The following LPAR5 variants were observed in gnomAD, a reference collection of about 807,000 sequenced individuals.
LPAR5 encodes the protein lysophosphatidic acid receptor 5.
For synonymous variants in LPAR5, 271 were observed against 261.6 expected, an observed-to-expected ratio of 1.04 and a Z score of -0.35; for missense variants, 544 against 521.8, an observed-to-expected ratio of 1.04 and a Z score of -0.41.
intron 1 of LPAR5, among the ~76,000 whole-genome samples, chr12:6,633,826 A>T (rs1158652220): frequency 3.3e-5 from 5 of 152,132 alleles, no homozygotes; most frequent in Admixed American, 3.3e-4. Context: ...CATCAGACAG[A>T]TGGAGTTGGG....
intron 1 of LPAR5, among the ~76,000 whole-genome samples, chr12:6,633,867 G>A (rs1948995480): frequency 2.0e-5 from 3 of 152,118 alleles, no homozygotes; most frequent in Admixed American, 1.3e-4. Flanking sequence ...TGGGTGGTGA[G>A]TCCTGTACAT....
intron 1 of LPAR5, among the ~76,000 whole-genome samples, chr12:6,622,322 G>T (rs1306951488): frequency 1.3e-5 from 2 of 151,806 alleles, no homozygotes; most frequent in Non-Finnish European, 2.9e-5. Context: ...CAGCTACTCA[G>T]GGGGCTGAGA....
chr12:6,620,897 C>A lies in LPAR5; in HGVS notation c.352G>T (p.Asp118Tyr), dbSNP rs1220990189. The change falls in exon 2 of 2, where the codon GAC becomes TAC. Residue 118 changes from aspartate (D) to tyrosine (Y), a missense_variant. Transcript: ENST00000329858. The surrounding 1 kb of genome is among the most constrained non-coding windows in gnomAD (Gnocchi z 6.8). ...SCIFLMLINV[D>Y]RYAAIVHPLR... ...GGGTGCACGATGGCGGCGTAGCGGTCCACGTTGATGAGCATCAGGAAGATG... is the reference window on the plus strand; with the variant it reads ...GGGTGCACGATGGCGGCGTAGCGGTACACGTTGATGAGCATCAGGAAGATG... 1.3e-6 allele frequency: 2 copies of A among 1,587,626 alleles called. No homozygotes were observed. Among genetic ancestry groups the A allele is most frequent in the Middle Eastern group, 1.7e-4 (1 of 6,016 alleles).
chr12:6,628,957 G>C (rs1203910613), intron 1 of LPAR5, among the ~76,000 whole-genome samples: 1 of 151,458 alleles, frequency 6.6e-6, no homozygotes. Flanking sequence ...TAGTAGAGAA[G>C]ACTGGGTTTC....
intron 1 of LPAR5, among the ~76,000 whole-genome samples, chr12:6,622,129 A>G (rs1230073726): frequency 6.7e-6 from 1 of 148,978 alleles, no homozygotes; most frequent in East Asian, 2.0e-4. Flanking sequence ...ACTCTGTCTC[A>G]AAAAATAAAA....
intron 1 of LPAR5, among the ~76,000 whole-genome samples, chr12:6,628,542 C>G (rs1015564838): frequency 6.6e-6 from 1 of 151,040 alleles, no homozygotes; most frequent in South Asian, 2.1e-4. Context: ...CTCACTGCAA[C>G]CTCCGCCTCC....
rs1002603126 is a variant in LPAR5 at position 6,624,788 on chromosome 12, T to C, written c.-216-3324A>G. 7.2e-5 allele frequency among the ~76,000 whole-genome samples: 11 copies of C among 152,012 alleles called. 1 individual carries two copies. The highest frequency in any genetic ancestry group is 5.9e-4 in the Admixed American group (9 of 15,256). ...GGCATGCGCCACCACGCCTGGCTAATTTTGTATTTTTAGTAGAGACGAGGT... is the reference window on the plus strand; with the variant it reads ...GGCATGCGCCACCACGCCTGGCTAACTTTGTATTTTTAGTAGAGACGAGGT... On this transcript the variant is annotated intron_variant, in intron 1 of 1. Coordinates refer to ENST00000329858, the MANE Select transcript of LPAR5 (RefSeq NM_020400.6).
chr12:6,620,868 C>T lies in LPAR5; in HGVS notation c.381G>A (p.Leu127=), dbSNP rs1456932705. ...VDRYAAIVHP[L]RLRHLRRPRV... is the part of the protein sequence containing the mutation. ...GGGGCCGCCGCAGGTGGCGCAGTCG[C>T]AGCGGGTGCACGATGGCGGCGTAGC... Residue 127 remains leucine (L), a synonymous_variant, in exon 2 of 2, where the codon CTG becomes CTA. Transcript: ENST00000329858. This position sits in a 1 kb window ranked among gnomAD's most constrained non-coding sequence, Gnocchi z 6.8. 1 of 1,568,982 alleles carries T rather than the reference C, an allele frequency of 6.4e-7. No individual in the cohort carries two copies. Among genetic ancestry groups the T allele is most frequent in the Non-Finnish European group, 8.6e-7 (1 of 1,156,868 alleles).
In LPAR5 at chr12:6,621,136, GGGAGCCC is replaced by G. The variant is rs1948892851; in HGVS notation, c.106_112del (p.Gly36ProfsTer5). On this transcript the variant is annotated frameshift_variant, in exon 2 of 2. Transcript: ENST00000329858. LOFTEE classifies it low-confidence loss of function (END_TRUNC). ...GACCCAGAGGGCTAGCGCGTTGAGG[GGGAGCCC>G]GGCAGCCAGCACCAAGCTGTAGACC... 1 of 1,600,430 alleles carries G rather than the reference GGGAGCCC, an allele frequency of 6.2e-7. No homozygotes were observed. Among genetic ancestry groups the G allele is most frequent in the Non-Finnish European group, 8.5e-7 (1 of 1,173,118 alleles).
At chr12:6,624,001 A>G (rs1188474809) in intron 1 of LPAR5, among the ~76,000 whole-genome samples, 1 of 152,084 alleles carries the variant, frequency 6.6e-6, no homozygotes, top group Non-Finnish European at 1.5e-5. Context: ...ATACAGAACA[A>G]CATCCCAGCC....
chr12:6,625,555 A>G (rs1948931626), intron 1 of LPAR5, among the ~76,000 whole-genome samples: 1 of 148,636 alleles, frequency 6.7e-6, no homozygotes, highest in Non-Finnish European at 1.5e-5. Flanking sequence ...CCTCGTCTCT[A>G]CTGAAAATAC....
At chr12:6,632,636 G>A (rs1289691721) in intron 1 of LPAR5, among the ~76,000 whole-genome samples, 2 of 152,312 alleles carry the variant, frequency 1.3e-5, no homozygotes, top group African/African-American at 2.4e-5. Context: ...GCCTCCAGCA[G>A]AAGCTTAGCT....
Position 6,623,864 on chromosome 12 carries a change from A to G in LPAR5, c.-216-2400T>C, listed in dbSNP as rs549148317. The stretch of plus-strand genomic sequence containing the variant: ...ACTCTTTGAGTACATGGGAGGCTGC[A>G]GCAGGAGAGTCCTTGAACCCGGGAG... On this transcript the variant is annotated intron_variant, in intron 1 of 1. Coordinates refer to ENST00000329858, the MANE Select transcript of LPAR5 (RefSeq NM_020400.6). Among the ~76,000 whole-genome samples, 183 of 151,294 alleles carry G rather than the reference A, an allele frequency of 1.2e-3. 1 individual carries two copies. Among genetic ancestry groups the G allele is most frequent in the African/African-American group, 3.8e-3 (158 of 41,258 alleles).
At position 6,621,153 on chromosome 12, in the gene LPAR5, C is replaced by A. The variant is rs1451886511; in HGVS notation, c.96G>T (p.Val32=). The A allele has an allele frequency of 1.3e-6, 2 of 1,596,718 alleles. No individual in the cohort carries two copies. Among genetic ancestry groups the A allele is most frequent in the East Asian group, 2.2e-5 (1 of 44,548 alleles). ...HRLHLVVYSL[V]LAAGLPLNAL... ...CGTTGAGGGGGAGCCCGGCAGCCAG[C>A]ACCAAGCTGTAGACCACCAAGTGCA... Residue 32 remains valine, a synonymous_variant, in exon 2 of 2, where the codon GTG becomes GTT. Transcript: ENST00000329858.
intron 1 of LPAR5, among the ~76,000 whole-genome samples, chr12:6,633,440 G>A (rs1157020037): frequency 6.6e-6 from 1 of 150,626 alleles, no homozygotes; most frequent in Admixed American, 6.6e-5. Flanking sequence ...ATGGAGTCTC[G>A]CTTGCTGTGT....
intron 1 of LPAR5, among the ~76,000 whole-genome samples, chr12:6,631,155 G>A (rs1405246654): frequency 2.0e-5 from 3 of 152,168 alleles, no homozygotes; most frequent in Non-Finnish European, 2.9e-5. Context: ...GCTGAAGAAC[G>A]TCGGCACACA....
rs748672397 is a variant in LPAR5 at position 6,620,420 on chromosome 12, C to T, written c.829G>A (p.Gly277Arg). The change falls in exon 2 of 2, where the codon GGG becomes AGG. Residue 277 changes from glycine to arginine, a missense_variant. Physicochemically the swap from Gly to Arg is moderately radical, Grantham distance 125. Transcript: ENST00000329858. This position sits in a 1 kb window ranked among gnomAD's most constrained non-coding sequence, Gnocchi z 6.8. ...ASVPARDRVRGVLMVMVLLAG... is the reference protein window; with the variant it reads ...ASVPARDRVRRVLMVMVLLAG... Reference sequence around the variant, plus strand: ...AGCAGCACCATCACCATCAGCACCCCGCGCACGCGATCGCGGGCAGGCACG... The same window carrying T: ...AGCAGCACCATCACCATCAGCACCCTGCGCACGCGATCGCGGGCAGGCACG... 15 of 1,607,954 alleles carry T rather than the reference C, an allele frequency of 9.3e-6. No individual in the cohort carries two copies. In the Admixed American group the frequency reaches 1.2e-4, roughly 13 times the overall value.
Position 6,620,608 on chromosome 12 carries a change from A to C in LPAR5, c.641T>G (p.Val214Gly). Residue 214 changes from valine to glycine, a missense_variant, in exon 2 of 2, where the codon GTC (valine) becomes GGC (glycine). Physicochemically the swap from Val to Gly is moderately radical, Grantham distance 109 (BLOSUM62 -3). Transcript: ENST00000329858. The surrounding 1 kb of genome is among the most constrained non-coding windows in gnomAD (Gnocchi z 6.8). ...GTCGGGGCGCGCCAGCGTCCAGAAGACTCGGCCCGACGAGTAGACCACCGC... is the reference window on the plus strand; with the variant it reads ...GTCGGGGCGCGCCAGCGTCCAGAAGCCTCGGCCCGACGAGTAGACCACCGC... ...LAAVVYSSGRVFWTLARPDAT... is the reference protein window; with the variant it reads ...LAAVVYSSGRGFWTLARPDAT... 1 of 1,551,222 alleles carries C rather than the reference A, an allele frequency of 6.4e-7. No individual in the cohort carries two copies. Among genetic ancestry groups the C allele is most frequent in the Admixed American group, 2.0e-5 (1 of 51,120 alleles).
At position 6,620,350 on chromosome 12, in the gene LPAR5, C is replaced by A; in HGVS notation, c.899G>T (p.Ser300Ile). 6.2e-7 allele frequency: 1 copy of A among 1,611,316 alleles called. No homozygotes were observed. Among genetic ancestry groups the A allele is most frequent in the South Asian group, 1.1e-5 (1 of 90,950 alleles). ...CVLDPLVYYF[S>I]AEGFRNTLRG... ...CAGGGTGTTGCGGAAGCCCTCGGCGCTAAAGTAGTACACCAGCGGGTCCAG... is the reference window on the plus strand; with the variant it reads ...CAGGGTGTTGCGGAAGCCCTCGGCGATAAAGTAGTACACCAGCGGGTCCAG... Residue 300 changes from serine to isoleucine, a missense_variant, in exon 2 of 2, where the codon AGC (serine) becomes ATC (isoleucine). Ser to Ile is a moderately radical substitution (Grantham distance 142). Transcript: ENST00000329858. This position sits in a 1 kb window ranked among gnomAD's most constrained non-coding sequence, Gnocchi z 6.8.
Sources: allele counts gnomAD v4.1 joint callset (sites outside exome capture counted in the v4.1 genomes callset), GRCh38; gene constraint gnomAD v4.1.1; non-coding constraint Gnocchi (gnomAD v3.1); transcripts MANE v1.5; gene names NCBI Gene and HGNC (gene_info 2026-07-23, HGNC 2026-07-21).